MED15: variants seen among roughly 807,000 people sequenced by gnomAD.
MED15 encodes the protein mediator complex subunit 15.
Under a neutral mutation model 118.7 loss-of-function variants are expected in MED15, and 41 were observed. That is an observed-to-expected ratio of 0.35 (90% CI 0.27 to 0.45). MED15 has a LOEUF of 0.45. Among genes scored for constraint, MED15 ranks in the 20% least tolerant of loss-of-function variants. The probability of loss-of-function intolerance (pLI) is 1.00; values close to 1 mark genes in which losing one functional copy is unlikely to be tolerated. For missense variants in MED15, 740 were observed against 1,025.5 expected (o/e 0.72, Z 3.80); for synonymous variants, 436 against 413.9 (o/e 1.05, Z -0.65).
At chr22:20,527,061 G>A (rs1305898690) in intron 1 of MED15, among the ~76,000 whole-genome samples, 2 of 152,146 alleles carry the variant, frequency 1.3e-5, no homozygotes, top group African/African-American at 2.4e-5. Context: ...GTGCTGGCTT[G>A]TGCTTCTGTC....
At chr22:20,582,462 G>C (rs1360661558) in intron 9 of MED15, 149 bp from the exon 10 acceptor site, 12 of 1,267,104 alleles carry the variant, frequency 9.5e-6, no homozygotes, top group Admixed American at 2.1e-5. Flanking sequence ...GAGTGTGCCT[G>C]TGTGTATGTC....
At chr22:20,571,671 G>A (rs941413615) in intron 8 of MED15, among the ~76,000 whole-genome samples, 10 of 152,324 alleles carry the variant, frequency 6.6e-5, no homozygotes, top group South Asian at 6.2e-4. Flanking sequence ...CAATAGCAGC[G>A]CCCCCTGCTG....
chr22:20,509,541 AG>A (rs1300766257), intron 1 of MED15, among the ~76,000 whole-genome samples: 3 of 137,604 alleles, frequency 2.2e-5, no homozygotes, highest in Non-Finnish European at 4.6e-5. Flanking sequence ...ATTCCAGAGG[AG>A]GGGGAACGTA....
chr22:20,534,798 C>T (rs911421038), intron 1 of MED15, among the ~76,000 whole-genome samples: 3 of 152,178 alleles, frequency 2.0e-5, no homozygotes, highest in East Asian at 1.9e-4. Context: ...CCCAGTGCCG[C>T]GCGTGAGTTG....
chr22:20,518,929 T>G (rs1472973259), intron 1 of MED15: 3 of 447,552 alleles, frequency 6.7e-6, no homozygotes, highest in Non-Finnish European at 1.3e-5. Flanking sequence ...TGTGGCTCAC[T>G]GCAACCTCCA....
intron 1 of MED15, among the ~76,000 whole-genome samples, chr22:20,512,587 CTT>C (rs1001694854): frequency 1.5e-4 from 14 of 91,524 alleles, no homozygotes; most frequent in African/African-American, 5.8e-4. Context: ...TGAGTCACCT[CTT>C]TTTTTTTTTT....
intron 5 of MED15, among the ~76,000 whole-genome samples, chr22:20,562,072 G>C (rs767295945): frequency 6.6e-6 from 1 of 152,102 alleles, no homozygotes; most frequent in Non-Finnish European, 1.5e-5. Context: ...TGAGAGGATC[G>C]CTTGCTTGAG....
Position 20,575,191 on chromosome 22 carries a change from C to A in MED15, c.1231C>A (p.Pro411Thr). 6.2e-7 allele frequency: 1 copy of A among 1,614,152 alleles called. No individual in the cohort carries two copies. Among genetic ancestry groups the A allele is most frequent in the South Asian group, 1.1e-5 (1 of 91,090 alleles). ...FPPTTAVSAI[P>T]SSSIPLGRQP... ...GCCTACCACCGCTGTGTCCGCCATCCCGTCAAGCTCCATCCCTTTGGGCAG... is the reference window on the plus strand; with the variant it reads ...GCCTACCACCGCTGTGTCCGCCATCACGTCAAGCTCCATCCCTTTGGGCAG... The change falls in exon 9 of 18, where the codon CCG becomes ACG. Residue 411 changes from proline to threonine, a missense_variant. Coordinates refer to ENST00000263205, the MANE Select transcript of MED15 (RefSeq NM_001003891.3).
At chr22:20,531,283 G>A (rs2054853152) in intron 1 of MED15, among the ~76,000 whole-genome samples, 1 of 152,238 alleles carries the variant, frequency 6.6e-6, no homozygotes, top group African/African-American at 2.4e-5. Context: ...GGAATAGGAA[G>A]GAGGTGAGGA....
At chr22:20,548,520 C>T (rs1411342745) in intron 2 of MED15, among the ~76,000 whole-genome samples, 5 of 152,184 alleles carry the variant, frequency 3.3e-5, no homozygotes, top group Admixed American at 6.5e-5. Context: ...GAAGTGAAAA[C>T]CCATAACACT....
intron 9 of MED15, chr22:20,582,020 G>A (rs2056998944): frequency 6.4e-6 from 1 of 155,268 alleles, no homozygotes; most frequent in Admixed American, 6.5e-5. Context: ...CACCATGGGT[G>A]TGTGTGTGGC....
chr22:20,580,488 G>A (rs1358740196), intron 9 of MED15, among the ~76,000 whole-genome samples: 1 of 152,128 alleles, frequency 6.6e-6, no homozygotes, highest in Non-Finnish European at 1.5e-5. Flanking sequence ...GTAGAGGCAA[G>A]GGGAGGGGCC....
intron 2 of MED15, among the ~76,000 whole-genome samples, chr22:20,549,060 CA>C (rs1289486635): frequency 6.6e-6 from 1 of 152,182 alleles, no homozygotes; most frequent in Non-Finnish European, 1.5e-5. Flanking sequence ...CTTGGCTTCC[CA>C]AAATGTTGGA....
In MED15 at chr22:20,555,033, G is replaced by T. The variant is rs1031887381; in HGVS notation, c.336G>T (p.Gly112=). 3.7e-6 allele frequency: 6 copies of T among 1,612,740 alleles called. No homozygotes were observed. Among genetic ancestry groups the T allele is most frequent in the Non-Finnish European group, 5.1e-6 (6 of 1,180,000 alleles). ...PPRGPGQSLG[G]MGSLGAMGQP... ...GGGGCCCGGGACAGTCTCTGGGCGG[G>T]ATGGGTAGCCTTGGTGCCATGGGAC... Residue 112 remains glycine (G), a synonymous_variant, in exon 5 of 18, where the codon GGG becomes GGT. Coordinates refer to ENST00000263205, the MANE Select transcript of MED15 (RefSeq NM_001003891.3).
chr22:20,561,149 G>T (rs1400031364), intron 5 of MED15, among the ~76,000 whole-genome samples: 1 of 151,958 alleles, frequency 6.6e-6, no homozygotes, highest in Admixed American at 6.6e-5. Flanking sequence ...ATAGGATAAG[G>T]CAGAAATCCA....
At chr22:20,570,233 C>T (rs2056595601) in intron 8 of MED15, among the ~76,000 whole-genome samples, 1 of 151,924 alleles carries the variant, frequency 6.6e-6, no homozygotes, top group Non-Finnish European at 1.5e-5. Flanking sequence ...TCATGTTGGC[C>T]AGGATGGTCT....
chr22:20,565,589 C>T (rs1016321935), intron 6 of MED15, among the ~76,000 whole-genome samples: 1 of 152,220 alleles, frequency 6.6e-6, no homozygotes, highest in Non-Finnish European at 1.5e-5. Context: ...CCCCACCACC[C>T]TCCCACCCCT....
chr22:20,553,194 A>G lies in MED15; in HGVS notation c.238+20A>G. 1 of 1,610,212 alleles carries G rather than the reference A, an allele frequency of 6.2e-7. No individual in the cohort carries two copies. Among genetic ancestry groups the G allele is most frequent in the Non-Finnish European group, 8.5e-7 (1 of 1,176,754 alleles). ...TCAGTGGTAAGAGTTTTCCCTTTTG[A>G]GTTAAAGTTTCTCCCAACTTTGGAT... On this transcript the variant is annotated intron_variant, in intron 4 of 17. Transcript: ENST00000263205.
intron 2 of MED15, among the ~76,000 whole-genome samples, chr22:20,541,264 A>C (rs761438343): frequency 5.9e-5 from 9 of 152,094 alleles, no homozygotes; most frequent in Non-Finnish European, 8.8e-5. Context: ...AAATAAAATA[A>C]ATAAAAATAA....
Sources: gnomAD v4.1 joint callset for allele counts (sites outside exome capture counted in the v4.1 genomes callset) on GRCh38, gnomAD v4.1.1 for gene constraint, MANE v1.5 for transcripts, NCBI Gene and HGNC (gene_info 2026-07-23, HGNC 2026-07-21) for gene names.